Variants in SCN2A observed in about 807,000 individuals in gnomAD.
SCN2A encodes sodium channel protein type 2 subunit alpha.
In SCN2A, 20 loss-of-function variants were observed where a neutral mutation model predicts 188.7. The observed-to-expected ratio is 0.11, with a 90% CI of 0.07 to 0.15. The LOEUF is 0.15. Among genes scored for constraint, SCN2A ranks in the 10% least tolerant of loss-of-function variants. SCN2A has a pLI of 1.00. For synonymous variants in SCN2A, 804 were observed against 833.1 expected, an observed-to-expected ratio of 0.97 and a Z score of 0.60; for missense variants, 1,278 against 2,445.0, an observed-to-expected ratio of 0.52 and a Z score of 10.07.
chr2:165,312,452 C>T (rs1052570181), intron 8 of SCN2A, among the ~76,000 whole-genome samples: 2 of 152,028 alleles, frequency 1.3e-5, no homozygotes, highest in Non-Finnish European at 2.9e-5. Flanking sequence ...TGTAAGATCT[C>T]TGAAAATAAT....
At chr2:165,294,638 T>A (rs1323428356) in intron 1 of SCN2A, among the ~76,000 whole-genome samples, 2 of 152,180 alleles carry the variant, frequency 1.3e-5, no homozygotes, top group Non-Finnish European at 2.9e-5. Context: ...GATTGATTTT[T>A]TGAAAAGATG....
At position 165,374,986 on chromosome 2, in the gene SCN2A, T is replaced by C; in HGVS notation, c.4254+20T>C. On this transcript the variant is annotated intron_variant, in intron 22 of 26. Transcript: ENST00000375437. ...CAAGTAGTAAGTAATCACTTTATTA[T>C]TTTCCATGATGTGTAATTAAAATGA... 6.2e-7 allele frequency: 1 copy of C among 1,604,538 alleles called. No homozygotes were observed. The highest frequency in any genetic ancestry group is 8.5e-7 in the Non-Finnish European group (1 of 1,172,172).
chr2:165,253,819 A>AT (rs1694199998), intron 1 of SCN2A, among the ~76,000 whole-genome samples: 1 of 152,038 alleles, frequency 6.6e-6, no homozygotes, highest in South Asian at 2.1e-4. Flanking sequence ...TAATTTTATT[A>AT]TTTTTCTGTT....
intron 18 of SCN2A, among the ~76,000 whole-genome samples, chr2:165,366,315 A>G (rs1700723353): frequency 6.6e-6 from 1 of 152,204 alleles, no homozygotes; most frequent in Admixed American, 6.5e-5. Flanking sequence ...TTTTTTGACA[A>G]TAGTAGATAC....
At position 165,367,378 on chromosome 2, in the gene SCN2A, G is replaced by T. The variant is rs369008860; in HGVS notation, c.3675+7G>T. The T allele has an allele frequency of 1.9e-6, 3 of 1,613,924 alleles. No homozygotes were observed. The highest frequency in any genetic ancestry group is 1.7e-6 in the Non-Finnish European group (2 of 1,179,956). The stretch of plus-strand genomic sequence containing the variant: ...GCTGAGCAGTGGGGCTCTGGTAGGT[G>T]ATGCATGATCCACTCCTTCACCTTT... On this transcript the variant is annotated splice_region_variant and intron_variant, in intron 19 of 26. Coordinates refer to ENST00000375437, the MANE Select transcript of SCN2A (RefSeq NM_001040142.2).
At chr2:165,282,228 C>G (rs898906634) in intron 1 of SCN2A, among the ~76,000 whole-genome samples, 12 of 152,182 alleles carry the variant, frequency 7.9e-5, no homozygotes, top group Non-Finnish European at 1.8e-4. Flanking sequence ...CCAGGCATGT[C>G]AGGTGCAGAG....
At chr2:165,364,129 A>G (rs2105353899) in intron 17 of SCN2A, among the ~76,000 whole-genome samples, 1 of 152,246 alleles carries the variant, frequency 6.6e-6, no homozygotes, top group South Asian at 2.1e-4. Context: ...TCATGTGCTT[A>G]CCTCATCCTT....
chr2:165,349,503 T>C (rs920454463), intron 16 of SCN2A, among the ~76,000 whole-genome samples: 6 of 152,134 alleles, frequency 3.9e-5, no homozygotes, highest in Admixed American at 3.3e-4. Context: ...ATCTCTCTAA[T>C]GTATAAATGT....
intron 1 of SCN2A, chr2:165,268,026 C>T (rs1205905449): frequency 2.0e-5 from 3 of 151,884 alleles, no homozygotes; most frequent in Non-Finnish European, 4.4e-5. Context: ...TCATAGAAAA[C>T]AATATGTAAA....
rs1553584316 is a variant in SCN2A at position 165,354,657 on chromosome 2, G to A, written c.3385G>A (p.Glu1129Lys). The change falls in exon 17 of 27, where the codon GAG becomes AAG. Residue 1129 changes from glutamate to lysine, a missense_variant. Around this residue, in one of 17 missense-constraint regions of SCN2A, gnomAD observed 228 missense variants for 297.3 expected, o/e 0.77. Transcript: ENST00000375437. The stretch of plus-strand genomic sequence containing the variant: ...AGAATTCAGCAGCGAGTCAGATATG[G>A]AGGAAAGCAAAGAGGTAAAAATGTT... ...TEEFSSESDM[E>K]ESKEKLNATS... is the part of the protein sequence containing the mutation. 1 of 1,613,528 alleles carries A rather than the reference G, an allele frequency of 6.2e-7. No homozygotes were observed. Among genetic ancestry groups the A allele is most frequent in the South Asian group, 1.1e-5 (1 of 91,078 alleles).
chr2:165,332,845 T>G lies in SCN2A; in HGVS notation c.2388+1277T>G, dbSNP rs531875097. On this transcript the variant is annotated intron_variant, in intron 14 of 26. Coordinates refer to ENST00000375437, the MANE Select transcript of SCN2A (RefSeq NM_001040142.2). ...CCCATTTGGAACTAGTTCTAGGTTC[T>G]AACCTGGCTAGATTCAGGTTCTCAG... Among the ~76,000 whole-genome samples the G allele has an allele frequency of 7.9e-5, 12 of 152,180 alleles. No homozygotes were observed. In the South Asian group the frequency reaches 1.7e-3, roughly 21 times the overall value.
rs117384596 is a variant in SCN2A, at chr2:165,245,608, C to A, written c.-52+5968C>A. On this transcript the variant is annotated intron_variant, in intron 1 of 26. Transcript: ENST00000375437. ...CTAGGATCTGTGAGGAGTGCTTAGA[C>A]CTACACTTACTATTTCCTGAATTAA... is the stretch of plus-strand genomic sequence containing the variant. Among the ~76,000 whole-genome samples the A allele has an allele frequency of 9.9e-3, 1,493 of 151,072 alleles. 25 individuals are homozygous for A. Among genetic ancestry groups the A allele is most frequent in the East Asian group, 0.063 (319 of 5,090 alleles).
chr2:165,342,524 T>G (rs1699370822), intron 15 of SCN2A, 55 bp downstream of exon 15: 1 of 1,565,748 alleles, frequency 6.4e-7, no homozygotes, highest in African/African-American at 1.3e-5. Flanking sequence ...TAGTCTTCAT[T>G]CTCATCTAGT....
At chr2:165,366,301 G>A (rs1700722726) in intron 18 of SCN2A, among the ~76,000 whole-genome samples, 1 of 152,114 alleles carries the variant, frequency 6.6e-6, no homozygotes, top group Non-Finnish European at 1.5e-5. Context: ...TTTGTTCTAT[G>A]CAATTTTTTG....
intron 1 of SCN2A, among the ~76,000 whole-genome samples, chr2:165,266,162 T>G (rs1489542497): frequency 6.6e-6 from 1 of 152,092 alleles, no homozygotes; most frequent in African/African-American, 2.4e-5. Flanking sequence ...AATACATATA[T>G]TTGTATTACC....
intron 17 of SCN2A, among the ~76,000 whole-genome samples, chr2:165,364,199 A>T (rs1219618000): frequency 6.6e-6 from 1 of 152,150 alleles, no homozygotes; most frequent in African/African-American, 2.4e-5. Context: ...AATGGTAATA[A>T]CATTGTAACA....
intron 17 of SCN2A, 84 bp from the exon 18 acceptor site, chr2:165,365,058 AT>A (rs1700650301): frequency 5.1e-6 from 6 of 1,168,244 alleles, no homozygotes; most frequent in East Asian, 2.8e-5. Context: ...CATACAGAAG[AT>A]GGGGGGGGGG....
chr2:165,353,714 TAAC>T (rs1372973609), intron 16 of SCN2A, among the ~76,000 whole-genome samples: 5 of 151,978 alleles, frequency 3.3e-5, no homozygotes, highest in African/African-American at 1.2e-4. Context: ...AACTTTTAAA[TAAC>T]AACATCTCAT....
chr2:165,292,383 T>C (rs1426460658), intron 1 of SCN2A, among the ~76,000 whole-genome samples: 1 of 152,166 alleles, frequency 6.6e-6, no homozygotes, highest in East Asian at 1.9e-4. Flanking sequence ...TATGATGGTA[T>C]ATTGCATGAT....
Sources: allele counts gnomAD v4.1 joint callset (sites outside exome capture counted in the v4.1 genomes callset), GRCh38; gene constraint gnomAD v4.1.1; regional missense constraint gnomAD v4.1.1; transcripts MANE v1.5; gene names NCBI Gene and HGNC (gene_info 2026-07-23, HGNC 2026-07-21).